Variants in ZC3H12D observed in about 807,000 individuals in gnomAD.
ZC3H12D encodes probable ribonuclease ZC3H12D.
In ZC3H12D, 11 loss-of-function variants were observed where a neutral mutation model predicts 24.2. That is an observed-to-expected ratio of 0.46 (90% CI 0.29 to 0.75). ZC3H12D has a LOEUF of 0.75. ZC3H12D is among the 30% of genes least tolerant of loss of function. The pLI, the probability that ZC3H12D is intolerant of heterozygous loss-of-function variation, is 0.11. For synonymous variants in ZC3H12D, 333 were observed against 341.8 expected, an observed-to-expected ratio of 0.97 and a Z score of 0.28; for missense variants, 740 against 767.7, an observed-to-expected ratio of 0.96 and a Z score of 0.43.
rs947064525 is a variant in ZC3H12D, at chr6:149,450,782, G to C, written c.1485C>G (p.Asp495Glu). 16 of 1,549,088 alleles carry C rather than the reference G, an allele frequency of 1.0e-5. No individual in the cohort carries two copies. The African/African-American group carries it at 2.1e-4, about 20-fold the overall frequency. The change falls in exon 6 of 6, where the codon GAC (aspartate) becomes GAG (glutamate). Residue 495 changes from aspartate (D) to glutamate (E), a missense_variant. Physicochemically the swap from Asp to Glu is conservative, Grantham distance 45 (BLOSUM62 2). Transcript: ENST00000409806. ...LYSVFPRDQV[D>E]RVMAAFPELS... ...GCTCCGGGAACGCGGCCATCACGCG[G>C]TCCACCTGGTCACGCGGGAAGACGC...
Position 149,470,375 on chromosome 6 carries a change from A to G in ZC3H12D, c.305+3864T>C, listed in dbSNP as rs543170923. Among the ~76,000 whole-genome samples the G allele has an allele frequency of 8.6e-5, 13 of 151,980 alleles. No homozygotes were observed. In the East Asian group the frequency reaches 2.5e-3, roughly 29 times the overall value. On this transcript the variant is annotated intron_variant, in intron 2 of 5. Transcript: ENST00000409806. ...ACTGTCTCAAAACAAACAAACAAAA[A>G]ACTACAAAAATTAGCCAGGTGTAGT...
At chr6:149,472,178 A>G (rs1029120431) in intron 2 of ZC3H12D, among the ~76,000 whole-genome samples, 12 of 152,252 alleles carry the variant, frequency 7.9e-5, no homozygotes, top group African/African-American at 2.7e-4. Context: ...ATGTCACTGC[A>G]GAAGGGGCAG....
At position 149,450,425 on chromosome 6, in the gene ZC3H12D, C is replaced by T; in HGVS notation, c.*258G>A. 1 of 479,034 alleles carries T rather than the reference C, an allele frequency of 2.1e-6. No homozygotes were observed. Among genetic ancestry groups the T allele is most frequent in the Non-Finnish European group, 3.7e-6 (1 of 270,974 alleles). 29.7% of individuals were successfully genotyped at this position (479,034 alleles called of 1,614,324 possible). ...CTACTGCAGCTTGGACCCGCAGTCT[C>T]CGTGCACATGGAAAATCATTCCCTC... On this transcript the variant is annotated 3_prime_UTR_variant, in exon 6 of 6. Transcript: ENST00000409806.
chr6:149,459,433 A>G (rs971210953), intron 3 of ZC3H12D: 1 of 594,616 alleles, frequency 1.7e-6, no homozygotes, highest in African/African-American at 1.9e-5. Context: ...ATTTTGACAT[A>G]CTTTGGGAAG....
At chr6:149,476,225 G>C (rs2115013118) in intron 1 of ZC3H12D, among the ~76,000 whole-genome samples, 1 of 152,316 alleles carries the variant, frequency 6.6e-6, no homozygotes, top group East Asian at 1.9e-4. Context: ...GCATTTTGGG[G>C]GCCGGGCGCA....
intron 1 of ZC3H12D, among the ~76,000 whole-genome samples, chr6:149,482,072 G>A (rs1562479263): frequency 6.6e-6 from 1 of 152,246 alleles, no homozygotes; most frequent in Non-Finnish European, 1.5e-5. Flanking sequence ...GGGGCCCTCG[G>A]GGCACAGCCC....
intron 2 of ZC3H12D, among the ~76,000 whole-genome samples, chr6:149,472,498 G>A (rs902008037): frequency 1.3e-4 from 19 of 150,244 alleles, no homozygotes; most frequent in African/African-American, 4.6e-4. Flanking sequence ...TGTATAACCC[G>A]CACAGATTGA....
At chr6:149,460,098 G>C (rs144836294) in intron 3 of ZC3H12D, among the ~76,000 whole-genome samples, 2 of 152,322 alleles carry the variant, frequency 1.3e-5, no homozygotes, top group East Asian at 3.9e-4. Context: ...TGCCAGTTGT[G>C]TAAAAGTCTA....
chr6:149,468,284 G>C (rs1284867802), intron 2 of ZC3H12D, among the ~76,000 whole-genome samples: 1 of 152,102 alleles, frequency 6.6e-6, no homozygotes, highest in East Asian at 1.9e-4. Context: ...CCCCACCAGA[G>C]ATGGGAGTTT....
chr6:149,472,562 G>A (rs1776262582), intron 2 of ZC3H12D, among the ~76,000 whole-genome samples: 2 of 137,242 alleles, frequency 1.5e-5, no homozygotes, highest in South Asian at 2.7e-4. Flanking sequence ...CAGAGGTGGG[G>A]GATCAATGGA....
At position 149,461,081 on chromosome 6, in the gene ZC3H12D, G is replaced by A. The variant is rs372800426; in HGVS notation, c.445+750C>T. 2.2e-4 allele frequency among the ~76,000 whole-genome samples: 34 copies of A among 152,076 alleles called. 1 individual carries two copies. Among genetic ancestry groups the A allele is most frequent in the East Asian group, 5.8e-4 (3 of 5,134 alleles). ...GAAGAGGCTGGGTGAGGTGGCTCTC[G>A]CCTCTAATCCCAGCACTTTGGGAGT... On this transcript the variant is annotated intron_variant, in intron 3 of 5. Transcript: ENST00000409806.
chr6:149,451,509 A>G (rs415434), intron 5 of ZC3H12D, 30 bp from the exon 6 acceptor site: 811,970 of 1,533,400 alleles, frequency 0.53, 224,432 homozygotes, highest in African/African-American at 0.91. Context: ...AGAGGGCGCG[A>G]CGTGAGGCCC....
intron 4 of ZC3H12D, among the ~76,000 whole-genome samples, chr6:149,454,414 C>T (rs894597989): frequency 1.3e-5 from 2 of 152,246 alleles, no homozygotes; most frequent in African/African-American, 4.8e-5. Flanking sequence ...ATGCTGAAGT[C>T]CCACTCTGCA....
intron 1 of ZC3H12D, among the ~76,000 whole-genome samples, chr6:149,480,747 A>AT (rs1317393707): frequency 1.3e-5 from 2 of 151,886 alleles, no homozygotes; most frequent in East Asian, 3.9e-4. Context: ...AAAAAAAACA[A>AT]AAAAAACAAA....
intron 1 of ZC3H12D, among the ~76,000 whole-genome samples, chr6:149,478,284 A>G (rs986146861): frequency 6.6e-6 from 1 of 152,148 alleles, no homozygotes; most frequent in Admixed American, 6.5e-5. Context: ...GTTATGTGAT[A>G]TCGCAACAGC....
In ZC3H12D at chr6:149,450,241, T is replaced by G; in HGVS notation, c.*442A>C. 1.7e-4 allele frequency: 27 copies of G among 162,560 alleles called. No homozygotes were observed. Among genetic ancestry groups the G allele is most frequent in the Non-Finnish European group, 2.4e-4 (18 of 75,474 alleles). The allele number at this position is 162,560 out of a possible 1,614,324, so 10.1% of individuals were successfully genotyped here. A position where few individuals can be genotyped will look rare whatever the true frequency, so the allele number is the denominator to read the frequency against. ...TTTAAACTTCTGACTACGACCCACA[T>G]TGAGGTTAGTTACATGGCTGCCAAG... On this transcript the variant is annotated 3_prime_UTR_variant, in exon 6 of 6. Transcript: ENST00000409806.
intron 3 of ZC3H12D, among the ~76,000 whole-genome samples, chr6:149,458,737 A>C (rs1460259424): frequency 6.6e-6 from 1 of 152,138 alleles, no homozygotes; most frequent in African/African-American, 2.4e-5. Context: ...ACATAAGACA[A>C]CCTTGCCGAT....
At chr6:149,453,816 G>A (rs528259365) in intron 4 of ZC3H12D, among the ~76,000 whole-genome samples, 137 of 152,232 alleles carry the variant, frequency 9.0e-4, no homozygotes, top group Non-Finnish European at 1.7e-3. Flanking sequence ...TGAGGAAGGA[G>A]GATCCCTGGA....
chr6:149,460,357 A>AC (rs34810731), intron 3 of ZC3H12D, among the ~76,000 whole-genome samples: 55,260 of 152,002 alleles, frequency 0.36, 10,556 homozygotes, highest in African/African-American at 0.46. Context: ...GGGATACTCA[A>AC]CTGTATAAGA....
Sources: gnomAD v4.1 joint callset for allele counts (sites outside exome capture counted in the v4.1 genomes callset) on GRCh38, gnomAD v4.1.1 for gene constraint, MANE v1.5 for transcripts, NCBI Gene and HGNC (gene_info 2026-07-23, HGNC 2026-07-21) for gene names.